Variants in CFAP107 observed in about 807,000 individuals in gnomAD.
CFAP107 encodes the protein cilia and flagella associated protein 107.
chr1:12,749,909 A>G, the CFAP107 span, among the ~76,000 whole-genome samples: 1 of 152,222 alleles, frequency 6.6e-6, no homozygotes, highest in East Asian at 1.9e-4. Context: ...AAGCTGTGCA[A>G]AAATATAAAG....
chr1:12,746,285 G>T, the CFAP107 span: 2 of 552,578 alleles, frequency 3.6e-6, no homozygotes, highest in Non-Finnish European at 6.6e-6. Context: ...TCTGAGGTTA[G>T]CAAGGAGTCA....
At chr1:12,759,396 G>A in the CFAP107 span, 1 of 1,614,148 alleles carries the variant, frequency 6.2e-7, no homozygotes, top group East Asian at 2.2e-5. Flanking sequence ...ATTACAACCG[G>A]CATGGTTACA....
the CFAP107 span, among the ~76,000 whole-genome samples, chr1:12,752,495 A>C: frequency 7.5e-6 from 1 of 132,574 alleles, no homozygotes; most frequent in African/African-American, 2.9e-5. Context: ...TGAACCTGAG[A>C]GGTGGAGGTT....
the CFAP107 span, chr1:12,759,545 C>T: frequency 2.6e-3 from 4,204 of 1,588,738 alleles, 7 homozygotes; most frequent in Non-Finnish European, 3.2e-3. Flanking sequence ...CACAGACCAA[C>T]GGAGCTGTAC....
chr1:12,755,525 G>A, the CFAP107 span, among the ~76,000 whole-genome samples: 2 of 152,118 alleles, frequency 1.3e-5, no homozygotes, highest in Admixed American at 6.5e-5. Flanking sequence ...CGGGGGTGCC[G>A]GATGGCAGGC....
chr1:12,754,230 T>TGACAAAGGAGC, the CFAP107 span, among the ~76,000 whole-genome samples: 2 of 152,328 alleles, frequency 1.3e-5, no homozygotes, highest in South Asian at 4.1e-4. Flanking sequence ...TGAATAGGTA[T>TGACAAAGGAGC]TTCTCCAAAG....
At chr1:12,751,526 C>T in the CFAP107 span, among the ~76,000 whole-genome samples, 1 of 152,202 alleles carries the variant, frequency 6.6e-6, no homozygotes, top group South Asian at 2.1e-4. Context: ...ACTAGGGAGA[C>T]TGAGGCAGGA....
At chr1:12,746,319 G>T in the CFAP107 span, 15 of 722,720 alleles carry the variant, frequency 2.1e-5, no homozygotes, top group Non-Finnish European at 3.3e-5. Context: ...CAGGAGGCCA[G>T]CTGGGAAGAC....
the CFAP107 span, among the ~76,000 whole-genome samples, chr1:12,755,091 A>G: frequency 6.6e-6 from 1 of 152,216 alleles, no homozygotes; most frequent in Admixed American, 6.5e-5. Flanking sequence ...GAGAGTTGGA[A>G]AGAATGAGGA....
the CFAP107 span, chr1:12,760,712 T>C: frequency 1.0e-5 from 16 of 1,546,602 alleles, no homozygotes; most frequent in Non-Finnish European, 1.3e-5. Flanking sequence ...CCATTGGCCA[T>C]TTAGAGCAAG....
chr1:12,752,555 T>TAAAAAAAAAAAAAAA, the CFAP107 span, among the ~76,000 whole-genome samples: 1 of 46,656 alleles, frequency 2.1e-5, no homozygotes, highest in Non-Finnish European at 3.9e-5. Flanking sequence ...CGACTCTGTC[T>TAAAAAAAAAAAAAAA]AAAAAAAAAA....
At chr1:12,756,224 A>G in the CFAP107 span, among the ~76,000 whole-genome samples, 1,245 of 152,282 alleles carry the variant, frequency 8.2e-3, 9 homozygotes, top group Non-Finnish European at 0.012. Context: ...TTCGCATGAA[A>G]AGTCAAGCAC....
the CFAP107 span, among the ~76,000 whole-genome samples, chr1:12,760,552 C>T: frequency 6.6e-6 from 1 of 152,198 alleles, no homozygotes; most frequent in Non-Finnish European, 1.5e-5. Flanking sequence ...CTCCCCTGAG[C>T]ACTTGGGATG....
the CFAP107 span, chr1:12,755,652 T>G: frequency 7.6e-7 from 1 of 1,320,644 alleles, no homozygotes; most frequent in South Asian, 1.2e-5. Flanking sequence ...AGCAGAAGTT[T>G]GAGAAGTGGC....
the CFAP107 span, chr1:12,753,776 CAT>C: frequency 1.3e-5 from 2 of 152,000 alleles, no homozygotes; most frequent in Non-Finnish European, 2.9e-5. Context: ...TAGAAGAAAA[CAT>C]AGGGGGCTGG....
chr1:12,758,359 G>A, the CFAP107 span, among the ~76,000 whole-genome samples: 2 of 152,148 alleles, frequency 1.3e-5, no homozygotes, highest in African/African-American at 4.8e-5. Context: ...CCCATGCCAC[G>A]AGGCTGCTTC....
At chr1:12,750,189 T>C in the CFAP107 span, among the ~76,000 whole-genome samples, 1 of 152,170 alleles carries the variant, frequency 6.6e-6, no homozygotes, top group Non-Finnish European at 1.5e-5. Flanking sequence ...TGTAGGATAT[T>C]GTGTATAATC....
chr1:12,761,244 T>G, the CFAP107 span: 1 of 286,472 alleles, frequency 3.5e-6, no homozygotes, highest in Admixed American at 5.1e-5. Flanking sequence ...AGTTCTACCC[T>G]GTTGTTTCAC....
the CFAP107 span, among the ~76,000 whole-genome samples, chr1:12,758,920 C>A: frequency 1.3e-5 from 2 of 152,152 alleles, no homozygotes; most frequent in Admixed American, 6.5e-5. Context: ...CTTGTCCTTG[C>A]CCTTAGGAAC....
Sources: allele counts gnomAD v4.1 joint callset (sites outside exome capture counted in the v4.1 genomes callset), GRCh38; gene constraint gnomAD v4.1.1; transcripts MANE v1.5; gene names NCBI Gene and HGNC (gene_info 2026-07-23, HGNC 2026-07-21).